PUM2: variants seen among roughly 807,000 people sequenced by gnomAD.
The protein encoded by PUM2 is pumilio homolog 2.
In PUM2, 57 loss-of-function variants were observed where a neutral mutation model predicts 124.5. That is an observed-to-expected ratio of 0.46 (90% CI 0.37 to 0.57). The LOEUF is 0.57. Ranked by LOEUF, PUM2 falls within the 20% of genes least tolerant of loss-of-function variation. PUM2 has a pLI of 0.00. For synonymous variants in PUM2, 460 were observed against 446.1 expected (o/e 1.03, Z -0.39); for missense variants, 1,065 against 1,290.6 (o/e 0.83, Z 2.68).
chr2:20,318,750 C>G, intron 2 of PUM2, 105 bp from the exon 3 acceptor site: 1 of 690,790 alleles, frequency 1.4e-6, no homozygotes, highest in Non-Finnish European at 2.3e-6. Flanking sequence ...GTTTTCAATG[C>G]TAATGAAAAT....
At chr2:20,313,474 T>C (rs752285315) in intron 3 of PUM2, among the ~76,000 whole-genome samples, 2 of 152,198 alleles carry the variant, frequency 1.3e-5, no homozygotes, top group African/African-American at 4.8e-5. Context: ...AACATCATTT[T>C]AAAAAGTTAA....
In PUM2 at chr2:20,337,435, T is replaced by C. The variant is rs183135204; in HGVS notation, c.-18-10057A>G. Among the ~76,000 whole-genome samples the C allele has an allele frequency of 2.6e-5, 4 of 152,344 alleles. No individual in the cohort carries two copies. In the East Asian group the frequency reaches 7.7e-4, roughly 29 times the overall value. On this transcript the variant is annotated intron_variant, in intron 1 of 20. Transcript: ENST00000361078. Reference sequence around the variant, plus strand: ...GGTATAAATAAGATTTCACACAATGTTGAACAAGGACGGTAGCTATCAAGG... The same window carrying C: ...GGTATAAATAAGATTTCACACAATGCTGAACAAGGACGGTAGCTATCAAGG...
chr2:20,315,721 G>A (rs1680726964), intron 3 of PUM2, among the ~76,000 whole-genome samples: 1 of 151,584 alleles, frequency 6.6e-6, no homozygotes, highest in Non-Finnish European at 1.5e-5. Flanking sequence ...AGCACTTCGG[G>A]AGGCTGAGGC....
At chr2:20,260,785 T>C (rs1039347785) in intron 14 of PUM2, among the ~76,000 whole-genome samples, 3 of 152,142 alleles carry the variant, frequency 2.0e-5, no homozygotes, top group African/African-American at 7.2e-5. Flanking sequence ...AATGTATTAC[T>C]AAACATCTAA....
chr2:20,265,176 C>T (rs1572595535), intron 13 of PUM2, among the ~76,000 whole-genome samples: 1 of 150,914 alleles, frequency 6.6e-6, no homozygotes, highest in African/African-American at 2.4e-5. Context: ...CGCTTGAACC[C>T]GGGATACGGA....
intron 12 of PUM2, among the ~76,000 whole-genome samples, chr2:20,280,941 A>C (rs775566947): frequency 1.3e-5 from 2 of 152,204 alleles, no homozygotes; most frequent in Non-Finnish European, 2.9e-5. Flanking sequence ...TGGGGTATTT[A>C]ACACTGTTAA....
chr2:20,330,110 G>A (rs1004252124), intron 1 of PUM2, among the ~76,000 whole-genome samples: 6 of 152,010 alleles, frequency 3.9e-5, no homozygotes, highest in African/African-American at 1.5e-4. Flanking sequence ...ACATAAAGAG[G>A]AACAATGATG....
At chr2:20,312,551 T>C (rs1052363430) in intron 3 of PUM2, 128 bp from the exon 4 acceptor site, 2 of 843,070 alleles carry the variant, frequency 2.4e-6, no homozygotes, top group African/African-American at 3.5e-5. Context: ...CTATAATCTT[T>C]ATATAAAGCT....
At chr2:20,291,980 C>T (rs1674216654) in intron 9 of PUM2, among the ~76,000 whole-genome samples, 1 of 151,340 alleles carries the variant, frequency 6.6e-6, no homozygotes, top group Non-Finnish European at 1.5e-5. Flanking sequence ...CCAGTGGCAT[C>T]CAAAGTCCTT....
chr2:20,290,653 T>C lies in PUM2; in HGVS notation c.1290A>G (p.Pro430=). ...AFGQGLATGM[P]GYQVLAPTAY... ...TTCCACAAATGACCAATTGTATACC[T>C]GGCATGCCAGTAGCAAGACCCTGAC... The change falls in exon 10 of 21, where the codon CCA becomes CCG. Residue 430 remains proline (P), a splice_region_variant and synonymous_variant. Coordinates refer to ENST00000361078, the MANE Select transcript of PUM2 (RefSeq NM_015317.5). 1 of 1,608,636 alleles carries C rather than the reference T, an allele frequency of 6.2e-7. No individual in the cohort carries two copies. The highest frequency in any genetic ancestry group is 8.5e-7 in the Non-Finnish European group (1 of 1,178,306).
intron 13 of PUM2, among the ~76,000 whole-genome samples, chr2:20,273,936 C>T (rs903376948): frequency 1.3e-4 from 19 of 151,950 alleles, no homozygotes; most frequent in Non-Finnish European, 1.9e-4. Flanking sequence ...ATAACTTATA[C>T]CATAATGAGG....
At chr2:20,281,685 A>C (rs1671563052) in intron 12 of PUM2, among the ~76,000 whole-genome samples, 1 of 152,126 alleles carries the variant, frequency 6.6e-6, no homozygotes, top group South Asian at 2.1e-4. Flanking sequence ...GCAATGAAAA[A>C]ACTCAAGTAC....
In PUM2 at chr2:20,308,487, G is replaced by A. The variant is rs755585296; in HGVS notation, c.616C>T (p.Pro206Ser). Residue 206 changes from proline to serine, a missense_variant, in exon 6 of 21, where the codon CCT becomes TCT. This residue lies in a region of PUM2 where 968 missense variants were observed against 1,159.8 expected (regional missense o/e 0.83). Transcript: ENST00000361078. ...PSEGLGPLPN[P>S]TANKPLVEEF... Reference sequence around the variant, plus strand: ...TCAACAAGTGGTTTATTAGCTGTAGGATTAGGAAGAGGCCCCAGTCCTTCT... The same window carrying A: ...TCAACAAGTGGTTTATTAGCTGTAGAATTAGGAAGAGGCCCCAGTCCTTCT... 10 of 1,614,122 alleles carry A rather than the reference G, an allele frequency of 6.2e-6. No homozygotes were observed. The highest frequency in any genetic ancestry group is 3.3e-5 in the Admixed American group (2 of 60,024).
chr2:20,265,021 G>A (rs1295130266), intron 13 of PUM2, among the ~76,000 whole-genome samples: 6 of 152,022 alleles, frequency 3.9e-5, no homozygotes, highest in Admixed American at 3.9e-4. Context: ...TTACATGCTA[G>A]CTACCTGGTG....
At chr2:20,254,775 G>T in intron 19 of PUM2, 88 bp downstream of exon 19, 1 of 1,330,982 alleles carries the variant, frequency 7.5e-7, no homozygotes, top group Non-Finnish European at 1.0e-6. Flanking sequence ...ACAGTTTAAT[G>T]CTACATGCTA....
At chr2:20,255,039 T>C in intron 18 of PUM2, 55 bp from the exon 19 acceptor site, 2 of 1,556,124 alleles carry the variant, frequency 1.3e-6, no homozygotes, top group African/African-American at 1.4e-5. Flanking sequence ...AGAATGATAT[T>C]CTTTAAAGAC....
chr2:20,309,324 GCTT>G (rs2148558979), intron 5 of PUM2, among the ~76,000 whole-genome samples: 1 of 151,582 alleles, frequency 6.6e-6, no homozygotes, highest in South Asian at 2.1e-4. Flanking sequence ...CGAAGACCAT[GCTT>G]ATTATACCAA....
At chr2:20,315,300 A>G (rs1680623128) in intron 3 of PUM2, among the ~76,000 whole-genome samples, 1 of 152,208 alleles carries the variant, frequency 6.6e-6, no homozygotes, top group South Asian at 2.1e-4. Context: ...GCTGGAGAAC[A>G]TGATGAACCT....
At chr2:20,283,302 C>T (rs1237405876) in intron 11 of PUM2, 41 bp downstream of exon 11, 2 of 1,609,480 alleles carry the variant, frequency 1.2e-6, no homozygotes, top group East Asian at 4.5e-5. Context: ...GGTATCTCAA[C>T]ACCAGAAAAA....
Sources: allele counts gnomAD v4.1 joint callset (sites outside exome capture counted in the v4.1 genomes callset), GRCh38; gene constraint gnomAD v4.1.1; regional missense constraint gnomAD v4.1.1; transcripts MANE v1.5; gene names NCBI Gene and HGNC (gene_info 2026-07-23, HGNC 2026-07-21).